NTRK2: variants seen among roughly 807,000 people sequenced by gnomAD.
NTRK2 encodes neurotrophic receptor tyrosine kinase 2.
Under a neutral mutation model 94.5 loss-of-function variants are expected in NTRK2, and 13 were observed. The ratio of observed to expected loss-of-function variants is 0.14; its 90% CI spans 0.09 to 0.22. The LOEUF is 0.22. Among genes scored for constraint, NTRK2 ranks in the 10% least tolerant of loss-of-function variants. The probability of loss-of-function intolerance (pLI) is 1.00; values close to 1 mark genes in which losing one functional copy is unlikely to be tolerated. For synonymous variants in NTRK2, 372 were observed against 407.4 expected (o/e 0.91, Z 1.05); for missense variants, 639 against 1,071.2 (o/e 0.60, Z 5.63).
intron 14 of NTRK2, among the ~76,000 whole-genome samples, chr9:84,918,105 G>A (rs1009594176): frequency 2.6e-5 from 4 of 152,136 alleles, no homozygotes; most frequent in South Asian, 2.1e-4. Context: ...ATACAATCAC[G>A]TCTGTGAACC....
chr9:84,960,437 T>C (rs1824771743), intron 17 of NTRK2, among the ~76,000 whole-genome samples: 1 of 152,178 alleles, frequency 6.6e-6, no homozygotes, highest in South Asian at 2.1e-4. Context: ...TAATCAAGAG[T>C]TAACCATCAT....
chr9:84,681,458 C>T (rs188491691), intron 2 of NTRK2, among the ~76,000 whole-genome samples: 1 of 152,062 alleles, frequency 6.6e-6, no homozygotes, highest in Non-Finnish European at 1.5e-5. Flanking sequence ...ATTCTTTCAA[C>T]AAATATTGAT....
chr9:84,970,347 C>T (rs868587291), intron 17 of NTRK2, among the ~76,000 whole-genome samples: 12 of 151,204 alleles, frequency 7.9e-5, no homozygotes, highest in Admixed American at 3.3e-4. Context: ...TGCACTCCAG[C>T]CTGGGGGACA....
chr9:84,710,872 C>T (rs1350694766), intron 6 of NTRK2, 81 bp downstream of exon 6: 4 of 1,372,988 alleles, frequency 2.9e-6, no homozygotes, highest in Non-Finnish European at 4.1e-6. Flanking sequence ...GGAAAATTAC[C>T]ACTACCTGGA....
chr9:84,793,748 C>A (rs144715522), intron 12 of NTRK2, among the ~76,000 whole-genome samples: 14 of 152,238 alleles, frequency 9.2e-5, no homozygotes, highest in Non-Finnish European at 1.8e-4. Context: ...ACAAATAATT[C>A]TGTTGTTGCT....
chr9:84,743,645 C>T (rs1022772359), intron 10 of NTRK2, among the ~76,000 whole-genome samples: 1 of 152,154 alleles, frequency 6.6e-6, no homozygotes, highest in Admixed American at 6.5e-5. Context: ...TGACCCTTTC[C>T]CAGTTAATTC....
Position 84,689,601 on chromosome 9 carries a change from T to TA in NTRK2, c.213-12550dup, listed in dbSNP as rs199601382. Among the ~76,000 whole-genome samples, 217 of 152,084 alleles carry TA rather than the reference T, an allele frequency of 1.4e-3. 1 individual carries two copies. Among genetic ancestry groups the TA allele is most frequent in the African/African-American group, 5.0e-3 (209 of 41,468 alleles). On this transcript the variant is annotated intron_variant, in intron 2 of 18. Coordinates refer to ENST00000277120, the MANE Select transcript of NTRK2 (RefSeq NM_006180.6). The stretch of plus-strand genomic sequence containing the variant: ...AAACATAGACATCTTATCCTTTTTT[T>TA]AAAAAAAAGAATTGTAGTGAAACAC...
At chr9:84,773,606 C>T (rs796439832) in intron 12 of NTRK2, among the ~76,000 whole-genome samples, 28 of 152,096 alleles carry the variant, frequency 1.8e-4, no homozygotes, top group Non-Finnish European at 2.2e-4. Context: ...AAAATGAAAA[C>T]TATATTTATC....
At chr9:84,753,958 A>G (rs2064855957) in intron 12 of NTRK2, among the ~76,000 whole-genome samples, 2 of 152,194 alleles carry the variant, frequency 1.3e-5, no homozygotes, top group Non-Finnish European at 2.9e-5. Context: ...CACTGGCAGA[A>G]TTACCAGTAA....
At position 84,807,717 on chromosome 9, in the gene NTRK2, G is replaced by A. The variant is rs186210769; in HGVS notation, c.1397-53323G>A. ...GGAGAAAATAATCTTCTATTGTTTTGTATCATTTTGTGGTCTTTTGAGTTT... is the reference window on the plus strand; with the variant it reads ...GGAGAAAATAATCTTCTATTGTTTTATATCATTTTGTGGTCTTTTGAGTTT... On this transcript the variant is annotated intron_variant, in intron 12 of 18. Coordinates refer to ENST00000277120, the MANE Select transcript of NTRK2 (RefSeq NM_006180.6). Among the ~76,000 whole-genome samples the A allele has an allele frequency of 3.3e-5, 5 of 152,278 alleles. No homozygotes were observed. In the East Asian group the frequency reaches 5.8e-4, roughly 18 times the overall value.
chr9:85,020,424 G>A (rs1465327107), intron 18 of NTRK2, 60 bp downstream of exon 18: 19 of 1,582,100 alleles, frequency 1.2e-5, no homozygotes, highest in Admixed American at 3.3e-5. Flanking sequence ...GCATCCATTG[G>A]CTGGGGCCTT....
chr9:84,928,188 G>A (rs2077890595), intron 14 of NTRK2, among the ~76,000 whole-genome samples: 1 of 152,116 alleles, frequency 6.6e-6, no homozygotes, highest in African/African-American at 2.4e-5. Context: ...AAATGTAGGT[G>A]AAACTTTAAA....
At chr9:84,960,121 A>G (rs1482336521) in intron 17 of NTRK2, among the ~76,000 whole-genome samples, 1 of 152,262 alleles carries the variant, frequency 6.6e-6, no homozygotes, top group Non-Finnish European at 1.5e-5. Flanking sequence ...ACAAATGAAT[A>G]TAACTTGGCT....
At chr9:84,809,096 A>G (rs985921950) in intron 12 of NTRK2, among the ~76,000 whole-genome samples, 7 of 152,182 alleles carry the variant, frequency 4.6e-5, no homozygotes, top group African/African-American at 1.4e-4. Context: ...CTGGGTTTCC[A>G]TGGGCAAGTT....
intron 17 of NTRK2, among the ~76,000 whole-genome samples, chr9:85,008,413 C>T (rs1388919467): frequency 6.6e-6 from 1 of 151,974 alleles, no homozygotes; most frequent in East Asian, 1.9e-4. Flanking sequence ...TACTTTTGCA[C>T]CAACCAACAG....
In NTRK2 at chr9:84,745,036, C is replaced by T. The variant is rs1167335341; in HGVS notation, c.1259C>T (p.Thr420Ile). 3.1e-6 allele frequency: 5 copies of T among 1,613,684 alleles called. No individual in the cohort carries two copies. Among genetic ancestry groups the T allele is most frequent in the Non-Finnish European group, 4.2e-6 (5 of 1,179,950 alleles). ...AACAGAAGTAATGAAATCCCTTCCA[C>T]AGACGTCACTGATAAAACCGGTCGG... is the stretch of plus-strand genomic sequence containing the variant. ...TTNRSNEIPS[T>I]DVTDKTGREH... is the part of the protein sequence containing the mutation. The change falls in exon 11 of 19, where the codon ACA (threonine) becomes ATA (isoleucine). Residue 420 changes from threonine to isoleucine, a missense_variant. This residue lies in a region of NTRK2 where 343 missense variants were observed against 571.5 expected (regional missense o/e 0.60). Coordinates refer to ENST00000277120, the MANE Select transcript of NTRK2 (RefSeq NM_006180.6).
In NTRK2 at chr9:84,815,518, G is replaced by GTTT. The variant is rs1267449952; in HGVS notation, c.1397-45508_1397-45506dup. ...AGCCTGTGAATCATTCTCATGCCCT[G>GTTT]TTTTTTTTTTTTTTTTCCTATAATG... On this transcript the variant is annotated intron_variant, in intron 12 of 18. Coordinates refer to ENST00000277120, the MANE Select transcript of NTRK2 (RefSeq NM_006180.6). The GTTT allele has an allele frequency of 0.01, 9,615 of 931,612 alleles. 463 individuals are homozygous for GTTT. The African/African-American group carries it at 0.15, about 14-fold the overall frequency. The allele number at this position is 931,612 out of a possible 1,614,324, so 57.7% of individuals were successfully genotyped here.
chr9:84,938,711 G>A (rs2078293791), intron 15 of NTRK2, among the ~76,000 whole-genome samples: 1 of 152,068 alleles, frequency 6.6e-6, no homozygotes, highest in South Asian at 2.1e-4. Flanking sequence ...GGATGGGTGG[G>A]TGCATGGAAG....
At chr9:84,865,499 T>C (rs1422759768) in intron 13 of NTRK2, among the ~76,000 whole-genome samples, 1 of 152,158 alleles carries the variant, frequency 6.6e-6, no homozygotes, top group African/African-American at 2.4e-5. Flanking sequence ...TGAGATATTA[T>C]TATATTTCAT....
Sources: allele counts gnomAD v4.1 joint callset (sites outside exome capture counted in the v4.1 genomes callset), GRCh38; gene constraint gnomAD v4.1.1; regional missense constraint gnomAD v4.1.1; transcripts MANE v1.5; gene names NCBI Gene and HGNC (gene_info 2026-07-23, HGNC 2026-07-21).